The following EML4 variants were observed in gnomAD, a reference collection of about 807,000 sequenced individuals.
EML4 encodes the protein echinoderm microtubule-associated protein-like 4.
A neutral mutation model predicts 129.0 loss-of-function variants in EML4; 72 were observed. The observed-to-expected ratio is 0.56, with a 90% confidence interval of 0.46 to 0.68. The LOEUF (loss-of-function observed/expected upper bound fraction) is 0.68. Among genes scored for constraint, EML4 ranks in the 30% least tolerant of loss-of-function variants. EML4 has a pLI of 0.00. For missense variants in EML4, 1,363 were observed against 1,190.6 expected, an observed-to-expected ratio of 1.14 and a Z score of -2.13; for synonymous variants, 532 against 405.0, an observed-to-expected ratio of 1.31 and a Z score of -3.77.
chr2:42,298,914 A>G (rs1326058452), intron 13 of EML4, among the ~76,000 whole-genome samples: 2 of 152,162 alleles, frequency 1.3e-5, no homozygotes, highest in Admixed American at 6.5e-5. Context: ...ACAGGGAAAT[A>G]AGCCTAGAAT....
chr2:42,219,678 G>T (rs1307222143), intron 1 of EML4, among the ~76,000 whole-genome samples: 1 of 152,084 alleles, frequency 6.6e-6, no homozygotes, highest in Non-Finnish European at 1.5e-5. Flanking sequence ...AGGATTTTGG[G>T]AGGCCGAGGT....
chr2:42,276,574 A>G (rs1666670604), intron 6 of EML4, among the ~76,000 whole-genome samples: 1 of 152,224 alleles, frequency 6.6e-6, no homozygotes, highest in African/African-American at 2.4e-5. Flanking sequence ...ATCATAAACA[A>G]TTGCTAAACA....
At chr2:42,326,280 A>G (rs1403230906) in intron 21 of EML4, 28 bp downstream of exon 21, 15 of 1,524,668 alleles carry the variant, frequency 9.8e-6, no homozygotes, top group Non-Finnish European at 1.4e-5. Flanking sequence ...GATGTAAAGA[A>G]GTGGTTTGTG....
intron 5 of EML4, 28 bp downstream of exon 5, chr2:42,263,334 C>G (rs1197580968): frequency 5.2e-6 from 8 of 1,545,738 alleles, no homozygotes; most frequent in Admixed American, 1.8e-5. Flanking sequence ...TTCATTATAT[C>G]TGAAAAGTAA....
At chr2:42,311,399 A>T (rs1668940304) in intron 17 of EML4, among the ~76,000 whole-genome samples, 1 of 152,106 alleles carries the variant, frequency 6.6e-6, no homozygotes, top group Non-Finnish European at 1.5e-5. Context: ...CTCCTCTACA[A>T]AAAATTAGCC....
In EML4 at chr2:42,280,982, C is replaced by G; in HGVS notation, c.791+9C>G. On this transcript the variant is annotated intron_variant, in intron 7 of 22. Transcript: ENST00000318522. ...CTCAAACTGGAGTGGGCGTATCCTT[C>G]TCTACCATGACAGCAAATTCATTTG... The G allele has an allele frequency of 6.4e-7, 1 of 1,568,526 alleles. No individual in the cohort carries two copies. Among genetic ancestry groups the G allele is most frequent in the Non-Finnish European group, 8.6e-7 (1 of 1,160,280 alleles).
intron 1 of EML4, among the ~76,000 whole-genome samples, chr2:42,186,042 G>A (rs1671232073): frequency 6.6e-6 from 1 of 151,992 alleles, no homozygotes; most frequent in African/African-American, 2.4e-5. Flanking sequence ...AATTAAAAAG[G>A]CCCCAAAAAA....
At chr2:42,300,188 C>G (rs965649767) in intron 13 of EML4, among the ~76,000 whole-genome samples, 3 of 152,172 alleles carry the variant, frequency 2.0e-5, no homozygotes, top group Non-Finnish European at 4.4e-5. Flanking sequence ...TGTTTATTGA[C>G]TTACTTTGGC....
intron 1 of EML4, among the ~76,000 whole-genome samples, chr2:42,245,045 T>C (rs79277224): frequency 0.11 from 16,820 of 149,392 alleles, 1,060 homozygotes; most frequent in Middle Eastern, 0.24. Flanking sequence ...AGTTAATATG[T>C]GTCAACATGA....
chr2:42,222,965 A>T lies in EML4; in HGVS notation c.26-22540A>T, dbSNP rs773502058. On this transcript the variant is annotated intron_variant, in intron 1 of 22. Transcript: ENST00000318522. ...AGGCATCTGCCACCACACCCGGTTAATTTTTTTGTCTTTTTAGTAGAGATG... is the reference window on the plus strand; with the variant it reads ...AGGCATCTGCCACCACACCCGGTTATTTTTTTTGTCTTTTTAGTAGAGATG... Among the ~76,000 whole-genome samples the T allele has an allele frequency of 6.6e-5, 10 of 151,714 alleles. 1 individual carries two copies. Among genetic ancestry groups the T allele is most frequent in the Non-Finnish European group, 1.2e-4 (8 of 67,904 alleles).
intron 17 of EML4, among the ~76,000 whole-genome samples, chr2:42,305,293 A>G (rs1188098352): frequency 6.6e-6 from 1 of 152,252 alleles, no homozygotes; most frequent in Non-Finnish European, 1.5e-5. Flanking sequence ...AATGTTAAGA[A>G]CCATGTGAGG....
At chr2:42,238,974 G>A (rs1210941724) in intron 1 of EML4, among the ~76,000 whole-genome samples, 1 of 152,092 alleles carries the variant, frequency 6.6e-6, no homozygotes, top group East Asian at 1.9e-4. Context: ...ACCCTAGGTT[G>A]CCCAGGCTGG....
chr2:42,173,571 A>G (rs1670401449), intron 1 of EML4, among the ~76,000 whole-genome samples: 1 of 152,126 alleles, frequency 6.6e-6, no homozygotes, highest in African/African-American at 2.4e-5. Context: ...TACCATGACT[A>G]GGTGCAGTGG....
chr2:42,208,927 G>A (rs1372184816), intron 1 of EML4, among the ~76,000 whole-genome samples: 1 of 151,826 alleles, frequency 6.6e-6, no homozygotes, highest in Non-Finnish European at 1.5e-5. Flanking sequence ...AGTCCCTATA[G>A]GTACCCATCC....
At chr2:42,279,951 G>A (rs1666914241) in intron 6 of EML4, among the ~76,000 whole-genome samples, 1 of 152,076 alleles carries the variant, frequency 6.6e-6, no homozygotes, top group African/African-American at 2.4e-5. Flanking sequence ...GATGTCCTTA[G>A]TCCATTTTAA....
intron 3 of EML4, among the ~76,000 whole-genome samples, chr2:42,259,022 G>A (rs1365834865): frequency 2.0e-5 from 3 of 152,172 alleles, no homozygotes; most frequent in African/African-American, 7.2e-5. Context: ...TGAGGCAGGC[G>A]AATCAGCTGA....
At chr2:42,223,247 T>G (rs1673734441) in intron 1 of EML4, among the ~76,000 whole-genome samples, 1 of 152,142 alleles carries the variant, frequency 6.6e-6, no homozygotes. Context: ...GCATGTGTAT[T>G]TTTCATTTTT....
At chr2:42,324,071 T>C (rs1371314008) in intron 19 of EML4, among the ~76,000 whole-genome samples, 1 of 148,116 alleles carries the variant, frequency 6.8e-6, no homozygotes, top group African/African-American at 2.5e-5. Flanking sequence ...GAGGTGGGCA[T>C]ATCACTTGAG....
intron 1 of EML4, among the ~76,000 whole-genome samples, chr2:42,191,725 G>T (rs940263132): frequency 1.1e-4 from 17 of 152,240 alleles, no homozygotes; most frequent in East Asian, 3.9e-4. Flanking sequence ...CTTTGCCGTT[G>T]CCACTTTATG....
Sources: allele counts gnomAD v4.1 joint callset (sites outside exome capture counted in the v4.1 genomes callset), GRCh38; gene constraint gnomAD v4.1.1; transcripts MANE v1.5; gene names NCBI Gene and HGNC (gene_info 2026-07-23, HGNC 2026-07-21).